The following ANO1 variants were observed in gnomAD, a reference collection of about 807,000 sequenced individuals.
The protein encoded by ANO1 is anoctamin 1, also known as anoctamin-1.
In ANO1, 59 loss-of-function variants were observed where a neutral mutation model predicts 124.0. That is an observed-to-expected ratio of 0.48 (90% CI 0.39 to 0.59). ANO1 has a LOEUF of 0.59. ANO1 is among the 20% of genes least tolerant of loss of function. ANO1 has a pLI of 0.00. For missense variants in ANO1, 1,059 were observed against 1,328.0 expected (o/e 0.80, Z 3.15); for synonymous variants, 529 against 532.0 (o/e 0.99, Z 0.08).
At chr11:70,095,741 C>T (rs373050138) in intron 2 of ANO1, among the ~76,000 whole-genome samples, 32 of 152,346 alleles carry the variant, frequency 2.1e-4, no homozygotes, top group African/African-American at 7.0e-4. Context: ...CCCTCGCCCC[C>T]GCAGGAGCCC....
At chr11:70,055,771 A>G (rs974825534) in intron 1 of ANO1, among the ~76,000 whole-genome samples, 2 of 151,980 alleles carry the variant, frequency 1.3e-5, no homozygotes, top group African/African-American at 4.8e-5. Context: ...TTTTCGGTTA[A>G]TCAATTCTTT....
At chr11:69,980,136 T>TG in the ANO1 span, among the ~76,000 whole-genome samples, 2 of 152,110 alleles carry the variant, frequency 1.3e-5, no homozygotes, top group Non-Finnish European at 2.9e-5. Context: ...GGGTGAACCT[T>TG]GAGGACATTA....
chr11:70,146,739 G>A (rs949834924), intron 11 of ANO1, among the ~76,000 whole-genome samples: 11 of 152,118 alleles, frequency 7.2e-5, no homozygotes, highest in Admixed American at 5.2e-4. Flanking sequence ...GGTTGAAGGC[G>A]TGAGAGCCCC....
At chr11:70,156,819 T>A in intron 15 of ANO1, 128 bp from the exon 16 acceptor site, 1 of 782,904 alleles carries the variant, frequency 1.3e-6, no homozygotes, top group Non-Finnish European at 2.1e-6. Context: ...TTTGAGGTTT[T>A]TCTGAGTATT....
intron 2 of ANO1, among the ~76,000 whole-genome samples, chr11:70,095,414 GAAAGAAAGAAAGA>G (rs535473587): frequency 0.23 from 15,614 of 68,842 alleles, 3,298 homozygotes; most frequent in Middle Eastern, 0.35. Context: ...AAGAAAGAAA[GAAAGAAAGAAAGA>G]AAAGAAAAGA....
intron 22 of ANO1, among the ~76,000 whole-genome samples, chr11:70,173,139 C>G (rs1363046876): frequency 6.6e-6 from 1 of 152,128 alleles, no homozygotes; most frequent in Non-Finnish European, 1.5e-5. Flanking sequence ...GCTTGGCTGT[C>G]TTGTAGACTA....
At chr11:69,976,507 TA>T in the ANO1 span, among the ~76,000 whole-genome samples, 1 of 74,500 alleles carries the variant, frequency 1.3e-5, no homozygotes, top group Non-Finnish European at 2.3e-5. Flanking sequence ...ACTCCGTCTC[TA>T]AAAAAAAAAA....
upstream of ANO1, among the ~76,000 whole-genome samples, chr11:69,985,674 A>G (rs1392766268): frequency 1.3e-5 from 2 of 152,114 alleles, no homozygotes; most frequent in Admixed American, 6.5e-5. Context: ...GCCCGCCCCA[A>G]CTGATAAGAC....
intron 5 of ANO1, among the ~76,000 whole-genome samples, chr11:70,106,015 G>A (rs1565205545): frequency 6.6e-6 from 1 of 152,170 alleles, no homozygotes. Flanking sequence ...GCTTGGGAAA[G>A]CAGGAGGGAA....
At chr11:70,027,384 T>A (rs1856925643) in intron 1 of ANO1, among the ~76,000 whole-genome samples, 1 of 152,210 alleles carries the variant, frequency 6.6e-6, no homozygotes, top group South Asian at 2.1e-4. Context: ...ACTTATTGAA[T>A]ACTGGAAGTG....
At chr11:70,087,655 T>G in intron 1 of ANO1, 97 bp from the exon 2 acceptor site, 4 of 1,194,248 alleles carry the variant, frequency 3.3e-6, no homozygotes, top group Admixed American at 3.0e-5. Flanking sequence ...GTTGAACGAG[T>G]GAGTGAGGAG....
At chr11:70,058,327 C>A (rs1857488671) in intron 1 of ANO1, among the ~76,000 whole-genome samples, 1 of 152,064 alleles carries the variant, frequency 6.6e-6, no homozygotes, top group Non-Finnish European at 1.5e-5. Flanking sequence ...ATATACTAGG[C>A]CAGATTGATT....
chr11:70,153,630 A>G (rs757289299), intron 14 of ANO1, among the ~76,000 whole-genome samples: 1 of 152,176 alleles, frequency 6.6e-6, no homozygotes, highest in African/African-American at 2.4e-5. Context: ...ATGTTTTGCA[A>G]TGTTCTTGAG....
chr11:69,973,911 T>C, the ANO1 span, among the ~76,000 whole-genome samples: 2 of 151,594 alleles, frequency 1.3e-5, no homozygotes, highest in African/African-American at 4.8e-5. Context: ...TTCAAAAAGG[T>C]TGTAAGATAG....
At chr11:70,175,263 A>G (rs939093772) in intron 22 of ANO1, among the ~76,000 whole-genome samples, 4 of 152,242 alleles carry the variant, frequency 2.6e-5, no homozygotes, top group Non-Finnish European at 4.4e-5. Context: ...GTTCTTACGG[A>G]TCAGCTACTC....
Position 70,167,361 on chromosome 11 carries a change from G to T in ANO1, c.2171G>T (p.Gly724Val). ...EVDYNLEPFAGLTPEYMEMII... is the reference protein window; with the variant it reads ...EVDYNLEPFAVLTPEYMEMII... ...GATTACAACCTGGAGCCCTTCGCGG[G>T]CCTCACCCCAGAGTACATGGAAATG... Residue 724 changes from glycine to valine, a missense_variant, in exon 21 of 26, where the codon GGC (glycine) becomes GTC (valine). Gly to Val is a moderately radical substitution (Grantham distance 109). This residue lies in a region of ANO1 where 809 missense variants were observed against 1,094.9 expected (regional missense o/e 0.74). Coordinates refer to ENST00000355303, the MANE Select transcript of ANO1 (RefSeq NM_018043.7). The T allele has an allele frequency of 1.2e-6, 2 of 1,612,968 alleles. No individual in the cohort carries two copies. The highest frequency in any genetic ancestry group is 1.7e-6 in the Non-Finnish European group (2 of 1,179,408).
chr11:70,024,828 C>T (rs964877182), intron 1 of ANO1, among the ~76,000 whole-genome samples: 2 of 134,444 alleles, frequency 1.5e-5, no homozygotes, highest in South Asian at 5.0e-4. Flanking sequence ...GGACCTGGGC[C>T]TAGCAGGGGG....
At chr11:69,990,655 A>G (rs1554997361) in intron 1 of ANO1, among the ~76,000 whole-genome samples, 1 of 152,190 alleles carries the variant, frequency 6.6e-6, no homozygotes, top group Non-Finnish European at 1.5e-5. Flanking sequence ...AGCACTTGAT[A>G]TATATACTGT....
At chr11:70,147,076 C>T (rs764764968) in intron 11 of ANO1, among the ~76,000 whole-genome samples, 2 of 152,254 alleles carry the variant, frequency 1.3e-5, no homozygotes, top group Non-Finnish European at 2.9e-5. Flanking sequence ...ACCATCACAG[C>T]GGGTAAACAG....
Sources: allele counts gnomAD v4.1 joint callset (sites outside exome capture counted in the v4.1 genomes callset), GRCh38; gene constraint gnomAD v4.1.1; regional missense constraint gnomAD v4.1.1; transcripts MANE v1.5; gene names NCBI Gene and HGNC (gene_info 2026-07-23, HGNC 2026-07-21).